Variants in DRC11 observed in about 807,000 individuals in gnomAD.
DRC11 encodes dynein regulatory complex subunit 11.
At chr2:236,319,654 T>G in the DRC11 span, among the ~76,000 whole-genome samples, 1 of 152,086 alleles carries the variant, frequency 6.6e-6, no homozygotes, top group South Asian at 2.1e-4. The surrounding 1 kb of genome is among the most constrained non-coding windows in gnomAD (Gnocchi z 6.7). Context: ...CGTGAGAAAC[T>G]CACTTACTGA....
At chr2:236,505,646 C>G in the DRC11 span, among the ~76,000 whole-genome samples, 12 of 152,258 alleles carry the variant, frequency 7.9e-5, no homozygotes, top group Non-Finnish European at 2.9e-5. Context: ...CTTCCATCTA[C>G]CATGATCGTT....
chr2:236,346,258 C>T, the DRC11 span, among the ~76,000 whole-genome samples: 1 of 152,204 alleles, frequency 6.6e-6, no homozygotes, highest in African/African-American at 2.4e-5. Context: ...TATGTTGTGC[C>T]CAGCATCACA....
At chr2:236,471,493 G>T in the DRC11 span, among the ~76,000 whole-genome samples, 1 of 152,128 alleles carries the variant, frequency 6.6e-6, no homozygotes, top group African/African-American at 2.4e-5. This position sits in a 1 kb window ranked among gnomAD's most constrained non-coding sequence, Gnocchi z 4.6. Flanking sequence ...ATAGGTAAAA[G>T]ATGGCAATTT....
the DRC11 span, among the ~76,000 whole-genome samples, chr2:236,412,336 C>G: frequency 6.6e-6 from 1 of 152,154 alleles, no homozygotes; most frequent in Non-Finnish European, 1.5e-5. Flanking sequence ...GTTCCCATCC[C>G]CCAGTTGGTT....
At chr2:236,493,796 G>A in the DRC11 span, 122 of 1,604,220 alleles carry the variant, frequency 7.6e-5, no homozygotes, top group Non-Finnish European at 8.9e-5. Context: ...TCCGCTGTCC[G>A]CTAATATTTG....
At chr2:236,462,775 C>T in the DRC11 span, among the ~76,000 whole-genome samples, 2 of 152,106 alleles carry the variant, frequency 1.3e-5, no homozygotes, top group African/African-American at 4.8e-5. This position sits in a 1 kb window ranked among gnomAD's most constrained non-coding sequence, Gnocchi z 6.4. Flanking sequence ...CTTTTACAGT[C>T]AGATGCAGTA....
the DRC11 span, among the ~76,000 whole-genome samples, chr2:236,334,578 T>A: frequency 3.3e-5 from 5 of 152,142 alleles, no homozygotes; most frequent in Admixed American, 1.3e-4. This position sits in a 1 kb window ranked among gnomAD's most constrained non-coding sequence, Gnocchi z 7.8. Context: ...CCAATCTACA[T>A]TCTCTTTCCC....
At chr2:236,356,301 G>A in the DRC11 span, among the ~76,000 whole-genome samples, 2 of 152,204 alleles carry the variant, frequency 1.3e-5, no homozygotes, top group African/African-American at 4.8e-5. Flanking sequence ...TCTGGAGGGC[G>A]GGGGCCATTC....
At chr2:236,346,784 C>G in the DRC11 span, 2 of 167,784 alleles carry the variant, frequency 1.2e-5, no homozygotes, top group African/African-American at 4.8e-5. Flanking sequence ...AAGGCAGTCT[C>G]CCAATAAACA....
At chr2:236,455,688 C>T in the DRC11 span, among the ~76,000 whole-genome samples, 33 of 152,194 alleles carry the variant, frequency 2.2e-4, no homozygotes, top group African/African-American at 5.8e-4. This position sits in a 1 kb window ranked among gnomAD's most constrained non-coding sequence, Gnocchi z 5.7. Context: ...AGCCTTCGAA[C>T]GACAAAGCTG....
At chr2:236,322,229 C>CTTTTTTTTT in the DRC11 span, among the ~76,000 whole-genome samples, 4 of 98,542 alleles carry the variant, frequency 4.1e-5, no homozygotes, top group Admixed American at 1.1e-4. Flanking sequence ...TTTCTTTCCT[C>CTTTTTTTTT]TTTTTTTTTT....
chr2:236,401,744 CA>C, the DRC11 span, among the ~76,000 whole-genome samples: 1 of 130,744 alleles, frequency 7.6e-6, no homozygotes, highest in African/African-American at 3.0e-5. This position sits in a 1 kb window ranked among gnomAD's most constrained non-coding sequence, Gnocchi z 4.6. Flanking sequence ...TCAGTGGTGC[CA>C]GGGGGTTGGT....
At chr2:236,494,093 C>T in the DRC11 span, among the ~76,000 whole-genome samples, 661 of 152,180 alleles carry the variant, frequency 4.3e-3, 7 homozygotes, top group African/African-American at 0.015. The surrounding 1 kb of genome is among the most constrained non-coding windows in gnomAD (Gnocchi z 4.2). Context: ...CATAACCATG[C>T]CCCTTGCTTT....
At chr2:236,390,430 T>C in the DRC11 span, among the ~76,000 whole-genome samples, 1 of 152,232 alleles carries the variant, frequency 6.6e-6, no homozygotes, top group Non-Finnish European at 1.5e-5. The surrounding 1 kb of genome is among the most constrained non-coding windows in gnomAD (Gnocchi z 5.9). Flanking sequence ...CTCTGTATCT[T>C]TTGATTGGTG....
At chr2:236,386,873 C>T in the DRC11 span, among the ~76,000 whole-genome samples, 10 of 148,076 alleles carry the variant, frequency 6.8e-5, no homozygotes, top group Non-Finnish European at 1.2e-4. Context: ...TCTTTGTTCT[C>T]GTTGGTTTCA....
the DRC11 span, among the ~76,000 whole-genome samples, chr2:236,361,070 T>G: frequency 6.6e-6 from 1 of 152,140 alleles, no homozygotes; most frequent in Non-Finnish European, 1.5e-5. This position sits in a 1 kb window ranked among gnomAD's most constrained non-coding sequence, Gnocchi z 5.7. Flanking sequence ...GGCCCCATGA[T>G]GACCCCGTTT....
the DRC11 span, chr2:236,364,053 G>T: frequency 7.7e-7 from 1 of 1,293,228 alleles, no homozygotes; most frequent in South Asian, 1.3e-5. Flanking sequence ...GATAACTCAA[G>T]GTCAAAACTG....
At chr2:236,350,835 T>A in the DRC11 span, among the ~76,000 whole-genome samples, 1 of 152,140 alleles carries the variant, frequency 6.6e-6, no homozygotes, top group Non-Finnish European at 1.5e-5. This position sits in a 1 kb window ranked among gnomAD's most constrained non-coding sequence, Gnocchi z 5.2. Context: ...TTTCCTGACC[T>A]TCCCCTGGGG....
At chr2:236,456,743 C>A in the DRC11 span, among the ~76,000 whole-genome samples, 1 of 152,208 alleles carries the variant, frequency 6.6e-6, no homozygotes, top group East Asian at 1.9e-4. This position sits in a 1 kb window ranked among gnomAD's most constrained non-coding sequence, Gnocchi z 5.4. Context: ...GTTTACCTCC[C>A]TCTGCACTGA....
Sources: gnomAD v4.1 joint callset for allele counts (sites outside exome capture counted in the v4.1 genomes callset) on GRCh38, gnomAD v4.1.1 for gene constraint, Gnocchi (gnomAD v3.1) non-coding constraint, MANE v1.5 for transcripts, NCBI Gene and HGNC (gene_info 2026-07-23, HGNC 2026-07-21) for gene names.